Variants in ATR observed in about 807,000 individuals in gnomAD.
ATR encodes the protein serine/threonine-protein kinase ATR.
In ATR, 142 loss-of-function variants were observed where a neutral mutation model predicts 305.3. The ratio of observed to expected loss-of-function variants is 0.47; its 90% CI spans 0.41 to 0.53. The LOEUF is 0.53. Among genes scored for constraint, ATR ranks in the 20% least tolerant of loss-of-function variants. ATR has a pLI of 0.00. For missense variants in ATR, 2,135 were observed against 3,133.1 expected (o/e 0.68, Z 7.60); for synonymous variants, 1,050 against 1,068.1 (o/e 0.98, Z 0.33).
intron 36 of ATR, among the ~76,000 whole-genome samples, chr3:142,476,273 A>C (rs1020614519): frequency 1.4e-4 from 21 of 152,148 alleles, no homozygotes; most frequent in Non-Finnish European, 2.8e-4. Flanking sequence ...ATTTTCGTAT[A>C]AGGTGTAAGG....
chr3:142,515,108 C>T (rs962652844), intron 25 of ATR, among the ~76,000 whole-genome samples: 1 of 152,038 alleles, frequency 6.6e-6, no homozygotes, highest in South Asian at 2.1e-4. Flanking sequence ...GCATTTACAT[C>T]CTTTTACATA....
At chr3:142,540,828 A>C in intron 18 of ATR, 76 bp downstream of exon 18, 1 of 1,492,278 alleles carries the variant, frequency 6.7e-7, no homozygotes, top group Non-Finnish European at 9.1e-7. Context: ...TTTCCCTCAA[A>C]GAGATAAGAA....
At chr3:142,483,983 C>T (rs1272396260) in intron 36 of ATR, among the ~76,000 whole-genome samples, 1 of 151,900 alleles carries the variant, frequency 6.6e-6, no homozygotes, top group Non-Finnish European at 1.5e-5. Flanking sequence ...TAATTTGGTG[C>T]TGTTGAATTT....
intron 35 of ATR, among the ~76,000 whole-genome samples, chr3:142,486,405 A>G (rs537973201): frequency 5.9e-5 from 9 of 152,158 alleles, no homozygotes; most frequent in African/African-American, 2.2e-4. Context: ...ATATTAGTCA[A>G]TCTAGTCTTT....
chr3:142,559,383 A>G lies in ATR; in HGVS notation c.1600T>C (p.Trp534Arg). Residue 534 changes from tryptophan to arginine, a missense_variant, in exon 7 of 47, where the codon TGG (tryptophan) becomes CGG (arginine). Coordinates refer to ENST00000350721, the MANE Select transcript of ATR (RefSeq NM_001184.4). The part of the protein sequence containing the change: ...SKKKPSVVIT[W>R]MSLDFYTKVL... ...TTTGTGTAAAAATCCAATGACATCC[A>G]AGTTATCACTACAGAAGGTTTCTTC... is the stretch of plus-strand genomic sequence containing the variant. 1 of 1,613,944 alleles carries G rather than the reference A, an allele frequency of 6.2e-7. No individual in the cohort carries two copies. Among genetic ancestry groups the G allele is most frequent in the African/African-American group, 1.3e-5 (1 of 75,040 alleles).
chr3:142,498,885 CTT>C (rs35623314), intron 31 of ATR, 111 bp from the exon 32 acceptor site: 3,585 of 817,598 alleles, frequency 4.4e-3, no homozygotes, highest in Non-Finnish European at 4.7e-3. Flanking sequence ...GGCTTCATTC[CTT>C]TTTTTTTTTT....
At chr3:142,498,457 G>C in intron 32 of ATR, 140 bp downstream of exon 32, 1 of 748,882 alleles carries the variant, frequency 1.3e-6, no homozygotes, top group Non-Finnish European at 2.2e-6. Flanking sequence ...GTGATTGTGA[G>C]GTAAAAAGAA....
intron 35 of ATR, 43 bp downstream of exon 35, chr3:142,493,089 T>G: frequency 1.3e-6 from 2 of 1,589,060 alleles, no homozygotes; most frequent in Non-Finnish European, 1.7e-6. Context: ...TCATTTTACG[T>G]AGTCAACAGA....
At chr3:142,573,913 T>C (rs541109187) in intron 1 of ATR, among the ~76,000 whole-genome samples, 126 of 152,206 alleles carry the variant, frequency 8.3e-4, no homozygotes, top group Non-Finnish European at 1.5e-3. Flanking sequence ...TCAAAATCTG[T>C]AATTACAAGG....
chr3:142,498,455 G>A (rs2031767451), intron 32 of ATR, 142 bp downstream of exon 32: 1 of 730,452 alleles, frequency 1.4e-6, no homozygotes, highest in Non-Finnish European at 2.3e-6. Context: ...GGGTGATTGT[G>A]AGGTAAAAAG....
intron 24 of ATR, among the ~76,000 whole-genome samples, chr3:142,516,431 A>T (rs1235972041): frequency 1.3e-5 from 2 of 152,218 alleles, no homozygotes; most frequent in African/African-American, 4.8e-5. Context: ...ATGTATTCTT[A>T]GTCTTCAAAG....
At chr3:142,575,790 G>C (rs74898100) in intron 1 of ATR, among the ~76,000 whole-genome samples, 1,630 of 152,264 alleles carry the variant, frequency 0.011, 22 homozygotes, top group African/African-American at 0.036. Context: ...GAACAGCCTT[G>C]GTATCCTGGA....
At chr3:142,533,450 G>A (rs996417598) in intron 21 of ATR, among the ~76,000 whole-genome samples, 1 of 152,152 alleles carries the variant, frequency 6.6e-6, no homozygotes, top group African/African-American at 2.4e-5. Context: ...CTCACAGAAA[G>A]GTCCTTTGGA....
chr3:142,485,320 C>A (rs2030844549), intron 35 of ATR, 38 bp from the exon 36 acceptor site: 2 of 1,610,894 alleles, frequency 1.2e-6, no homozygotes, highest in Non-Finnish European at 1.7e-6. Context: ...CTAAGGAAAT[C>A]CCACGCTATG....
At chr3:142,544,564 CTG>C (rs1393166054) in intron 16 of ATR, among the ~76,000 whole-genome samples, 1 of 134,648 alleles carries the variant, frequency 7.4e-6, no homozygotes, top group Admixed American at 8.1e-5. Context: ...TGTGACCAGT[CTG>C]TAAAGAAGAA....
At chr3:142,552,977 G>A (rs1303559729) in intron 13 of ATR, among the ~76,000 whole-genome samples, 1 of 151,936 alleles carries the variant, frequency 6.6e-6, no homozygotes, top group East Asian at 1.9e-4. Flanking sequence ...GGAAGGGAGA[G>A]TATCAGAAAT....
intron 40 of ATR, 23 bp from the exon 41 acceptor site, chr3:142,465,263 T>A (rs780907647): frequency 3.1e-6 from 5 of 1,600,820 alleles, no homozygotes; most frequent in Non-Finnish European, 4.3e-6. Flanking sequence ...GAGTTATATA[T>A]GAATTAGGGC....
chr3:142,502,650 G>A (rs965987853), intron 30 of ATR, among the ~76,000 whole-genome samples: 3 of 152,090 alleles, frequency 2.0e-5, no homozygotes, highest in Admixed American at 6.6e-5. Context: ...GAAAAACTTG[G>A]CTTCAGAGTA....
At chr3:142,496,224 T>C (rs1163429610) in intron 34 of ATR, 137 bp downstream of exon 34, 23 of 203,662 alleles carry the variant, frequency 1.1e-4, no homozygotes, top group Non-Finnish European at 1.7e-4. Context: ...GGTTCTTAAT[T>C]TGGATTAGTT....
Sources: allele counts gnomAD v4.1 joint callset (sites outside exome capture counted in the v4.1 genomes callset), GRCh38; gene constraint gnomAD v4.1.1; transcripts MANE v1.5; gene names NCBI Gene and HGNC (gene_info 2026-07-23, HGNC 2026-07-21).